The following ERBB3 variants were observed in gnomAD, a reference collection of about 807,000 sequenced individuals.
The protein encoded by ERBB3 is receptor tyrosine-protein kinase erbB-3.
A neutral mutation model predicts 156.7 loss-of-function variants in ERBB3; 96 were observed. The observed-to-expected ratio is 0.61, with a 90% CI of 0.52 to 0.73. The LOEUF (loss-of-function observed/expected upper bound fraction) is 0.73, where lower values mean the gene tolerates loss of function less well. Among genes scored for constraint, ERBB3 ranks in the 30% least tolerant of loss-of-function variants. ERBB3 has a pLI of 0.00. For synonymous variants in ERBB3, 567 were observed against 632.0 expected (o/e 0.90, Z 1.54); for missense variants, 1,406 against 1,709.4 (o/e 0.82, Z 3.13).
chr12:56,102,806 T>TAAAAAA lies in ERBB3; in HGVS notation c.*774_*779dup, dbSNP rs4016497. 3.3e-3 allele frequency: 184 copies of TAAAAAA among 55,960 alleles called. 6 individuals are homozygous for TAAAAAA. Among genetic ancestry groups the TAAAAAA allele is most frequent in the Middle Eastern group, 0.028 (2 of 72 alleles). 3.5% of individuals were successfully genotyped at this position (55,960 alleles called of 1,614,324 possible). On this transcript the variant is annotated 3_prime_UTR_variant, in exon 28 of 28. Transcript: ENST00000267101. ...CAACATAGTAAGACCCCCATCTCTT[T>TAAAAAA]AAAAAAAAAAAAAAAAAAAAAAAAA...
rs1467142802 is a variant in ERBB3, at chr12:56,101,770, C to T, written c.3744C>T (p.Ile1248=). The change falls in exon 28 of 28, where the codon ATC becomes ATT. Residue 1248 remains isoleucine (I), a synonymous_variant. Coordinates refer to ENST00000267101, the MANE Select transcript of ERBB3 (RefSeq NM_001982.4). Reference sequence around the variant, plus strand: ...GTTGCCCACTCCACCCTGTACCCATCATGCCCACTGCAGGCACAACTCCAG... The same window carrying T: ...GTTGCCCACTCCACCCTGTACCCATTATGCCCACTGCAGGCACAACTCCAG... The part of the protein sequence containing the change: ...TQSCPLHPVP[I]MPTAGTTPDE... 3 of 1,613,756 alleles carry T rather than the reference C, an allele frequency of 1.9e-6. No homozygotes were observed. The highest frequency in any genetic ancestry group is 2.2e-5 in the South Asian group (2 of 91,060).
At position 56,101,851 on chromosome 12, in the gene ERBB3, T is replaced by C. The variant is rs768169383; in HGVS notation, c.3825T>C (p.Asp1275=). 10 of 1,612,754 alleles carry C rather than the reference T, an allele frequency of 6.2e-6. No homozygotes were observed. The African/African-American group carries it at 9.4e-5, about 15-fold the overall frequency. The change falls in exon 28 of 28, where the codon GAT becomes GAC. Residue 1275 remains aspartate (D), a synonymous_variant. Transcript: ENST00000267101. ...GAGATGGAGGTGGTCCTGGGGGTGA[T>C]TATGCAGCCATGGGGGCCTGCCCAG... The part of the protein sequence containing the change: ...RQRDGGGPGG[D]YAAMGACPAS...
At chr12:56,095,114 T>G (rs1592229932) in intron 15 of ERBB3, 143 bp from the exon 16 acceptor site, 7 of 710,224 alleles carry the variant, frequency 9.9e-6, no homozygotes, top group South Asian at 9.0e-5. Context: ...GAGCTGGAGG[T>G]GGAGGCCATG....
At chr12:56,096,406 C>A in intron 17 of ERBB3, 97 bp from the exon 18 acceptor site, 1 of 1,499,096 alleles carries the variant, frequency 6.7e-7, no homozygotes, top group Non-Finnish European at 9.3e-7. Flanking sequence ...CCTGCCCTTT[C>A]AGCTGTGCTG....
intron 6 of ERBB3, 46 bp downstream of exon 6, chr12:56,087,959 C>T (rs2136794647): frequency 6.2e-7 from 1 of 1,613,702 alleles, no homozygotes; most frequent in Non-Finnish European, 8.5e-7. Context: ...GGGATGTGGC[C>T]TTTGAGGAGG....
intron 22 of ERBB3, 37 bp downstream of exon 22, chr12:56,098,612 C>T (rs777916116): frequency 1.3e-6 from 2 of 1,592,276 alleles, no homozygotes; most frequent in Non-Finnish European, 1.7e-6. Context: ...CCATCACTGG[C>T]CCCAGTTTCA....
In ERBB3 at chr12:56,084,623, C is replaced by T. The variant is rs973782532; in HGVS notation, c.235-372C>T. 6.0e-5 allele frequency among the ~76,000 whole-genome samples: 9 copies of T among 149,248 alleles called. 1 individual carries two copies. The South Asian group carries it at 1.7e-3, about 28-fold the overall frequency. ...CAAAAAAAAAAAAAAAGGCCAAGCT[C>T]GGATCACCTGAGGTCAGGAGTTCGA... On this transcript the variant is annotated intron_variant, in intron 2 of 27. Transcript: ENST00000267101.
At position 56,101,331 on chromosome 12, in the gene ERBB3, G is replaced by T. The variant is rs755595923; in HGVS notation, c.3472G>T (p.Gly1158Cys). 12 of 1,614,080 alleles carry T rather than the reference G, an allele frequency of 7.4e-6. No homozygotes were observed. Among genetic ancestry groups the T allele is most frequent in the African/African-American group, 1.3e-5 (1 of 74,918 alleles). Residue 1158 changes from glycine to cysteine, a missense_variant, in exon 27 of 28, where the codon GGT (glycine) becomes TGT (cysteine). Gly to Cys is a radical substitution (Grantham distance 159). Around this residue, in one of 3 missense-constraint regions of ERBB3, gnomAD observed 415 missense variants for 454.1 expected, o/e 0.91. Transcript: ENST00000267101. ...CGGGTTAGAGGAAGAGGATGTCAACGGTTATGTCATGCCAGATACACACCT... is the reference window on the plus strand; with the variant it reads ...CGGGTTAGAGGAAGAGGATGTCAACTGTTATGTCATGCCAGATACACACCT... ...PPGLEEEDVN[G>C]YVMPDTHLKG...
At chr12:56,085,359 TA>T in intron 3 of ERBB3, 178 bp downstream of exon 3, 1 of 1,463,842 alleles carries the variant, frequency 6.8e-7, no homozygotes, top group Non-Finnish European at 9.0e-7. Context: ...TAGGGGGAGC[TA>T]GGGGCATCTG....
chr12:56,083,677 T>G, intron 1 of ERBB3, 74 bp from the exon 2 acceptor site: 30 of 1,564,904 alleles, frequency 1.9e-5, no homozygotes, highest in Non-Finnish European at 2.5e-5. Flanking sequence ...ACCAAGGGGG[T>G]GATCTTTGGG....
At chr12:56,098,303 T>C in intron 21 of ERBB3, 197 bp from the exon 22 acceptor site, 2 of 595,746 alleles carry the variant, frequency 3.4e-6, no homozygotes. Flanking sequence ...TCCCAGCTAC[T>C]CGGGAGGCTG....
At chr12:56,097,527 A>G (rs1868928012) in intron 20 of ERBB3, among the ~76,000 whole-genome samples, 1 of 152,150 alleles carries the variant, frequency 6.6e-6, no homozygotes, top group Admixed American at 6.5e-5. Context: ...TCTATTGTGA[A>G]CTGTGCATGT....
chr12:56,097,836 C>T lies in ERBB3; in HGVS notation c.2512C>T (p.Arg838Ter), dbSNP rs1565860652. The T allele has an allele frequency of 3.1e-6, 5 of 1,613,948 alleles. No individual in the cohort carries two copies. Among genetic ancestry groups the T allele is most frequent in the Non-Finnish European group, 4.2e-6 (5 of 1,180,000 alleles). The change falls in exon 21 of 28, where the codon CGA becomes TGA. Residue 838 changes from arginine to a stop codon, truncating the protein, a stop_gained. Transcript: ENST00000267101. LOFTEE classifies it high-confidence loss of function. ...TATGGTGCATAGAAACCTGGCTGCC[C>T]GAAACGTGCTACTCAAGTCACCCAG... Reference protein sequence around the residue: ...HGMVHRNLAARNVLLKSPSQV... With the variant: ...HGMVHRNLAA
chr12:56,100,980 AAT>A lies in ERBB3; in HGVS notation c.3202-78_3202-77del, dbSNP rs1464974827. ...AAAAAAAAAAGGCAGTGAACAACCC[AAT>A]ATCCTTCTAAACAAATCTCTCTTCT... On this transcript the variant is annotated intron_variant, in intron 26 of 27. Transcript: ENST00000267101. The A allele has an allele frequency of 6.9e-5, 73 of 1,051,544 alleles. No homozygotes were observed. In the East Asian group the frequency reaches 1.9e-3, roughly 27 times the overall value. The allele number at this position is 1,051,544 out of a possible 1,614,324, so 65.1% of individuals were successfully genotyped here. A position where few individuals can be genotyped will look rare whatever the true frequency, so the allele number is the denominator to read the frequency against.
intron 1 of ERBB3, among the ~76,000 whole-genome samples, chr12:56,081,603 C>T (rs928066880): frequency 6.6e-6 from 1 of 152,224 alleles, no homozygotes; most frequent in East Asian, 1.9e-4. Context: ...ACTGTCCCAT[C>T]CAGACTCCTG....
chr12:56,086,490 C>T (rs767692749), intron 3 of ERBB3, 41 bp from the exon 4 acceptor site: 18 of 1,613,298 alleles, frequency 1.1e-5, no homozygotes, highest in African/African-American at 1.3e-5. Context: ...AGAGGCGTTC[C>T]GCTGCGGCCC....
chr12:56,097,467 C>T (rs1024814055), intron 20 of ERBB3, among the ~76,000 whole-genome samples: 2 of 152,128 alleles, frequency 1.3e-5, no homozygotes, highest in Non-Finnish European at 1.5e-5. Flanking sequence ...GCCCGAGTTC[C>T]GCCTCCTGTC....
chr12:56,089,572 A>G (rs536864180), intron 9 of ERBB3, among the ~76,000 whole-genome samples: 2 of 152,038 alleles, frequency 1.3e-5, no homozygotes, highest in Non-Finnish European at 2.9e-5. Flanking sequence ...GTGAAATGCC[A>G]TCTCTACTAA....
intron 2 of ERBB3, 110 bp from the exon 3 acceptor site, chr12:56,084,885 G>T: frequency 6.5e-7 from 1 of 1,536,610 alleles, no homozygotes; most frequent in Non-Finnish European, 8.8e-7. Flanking sequence ...AGGAAAGAAA[G>T]AAGGAAGAAT....
Sources: allele counts gnomAD v4.1 joint callset (sites outside exome capture counted in the v4.1 genomes callset), GRCh38; gene constraint gnomAD v4.1.1; regional missense constraint gnomAD v4.1.1; transcripts MANE v1.5; gene names NCBI Gene and HGNC (gene_info 2026-07-23, HGNC 2026-07-21).